The following TJP1 variants were observed in gnomAD, a reference collection of about 807,000 sequenced individuals.
TJP1 encodes the protein tight junction protein 1.
Under a neutral mutation model 194.2 loss-of-function variants are expected in TJP1, and 43 were observed. The observed-to-expected ratio is 0.22, with a 90% CI of 0.17 to 0.29. The LOEUF (loss-of-function observed/expected upper bound fraction) is 0.29. Ranked by LOEUF, TJP1 falls within the 10% of genes least tolerant of loss-of-function variation. TJP1 has a pLI of 1.00. For synonymous variants in TJP1, 801 were observed against 779.0 expected (o/e 1.03, Z -0.47); for missense variants, 1,971 against 2,185.7 (o/e 0.90, Z 1.96).
intron 2 of TJP1, among the ~76,000 whole-genome samples, chr15:29,879,563 A>C (rs2052849894): frequency 1.3e-5 from 2 of 152,174 alleles, no homozygotes; most frequent in African/African-American, 2.4e-5. Context: ...TTTTAAAGCT[A>C]AGTCTGGGTA....
chr15:29,757,307 A>G (rs1419955060), intron 8 of TJP1, among the ~76,000 whole-genome samples: 2 of 152,234 alleles, frequency 1.3e-5, no homozygotes, highest in African/African-American at 4.8e-5. Flanking sequence ...TTGCCAAGAC[A>G]GACTTCCTTT....
upstream of TJP1, among the ~76,000 whole-genome samples, chr15:29,826,484 C>T (rs1158299121): frequency 6.6e-6 from 1 of 152,200 alleles, no homozygotes; most frequent in African/African-American, 2.4e-5. Flanking sequence ...CAAAACATCT[C>T]ATCTCATAAT....
intron 2 of TJP1, among the ~76,000 whole-genome samples, chr15:29,776,478 G>A (rs2047019025): frequency 6.6e-6 from 1 of 152,080 alleles, no homozygotes; most frequent in South Asian, 2.1e-4. Flanking sequence ...AGCCTTTTTA[G>A]GTAATTACGA....
intron 8 of TJP1, chr15:29,760,042 T>C (rs2151514603): frequency 3.8e-6 from 2 of 531,688 alleles, no homozygotes; most frequent in South Asian, 5.6e-5. Context: ...GGAACCTCCA[T>C]ACTGTTTTCC....
chr15:29,816,898 G>T (rs1029993483), intron 1 of TJP1, among the ~76,000 whole-genome samples: 1 of 152,114 alleles, frequency 6.6e-6, no homozygotes, highest in Non-Finnish European at 1.5e-5. Flanking sequence ...ACATAGGCAT[G>T]GGCAAAGACT....
At chr15:29,801,442 T>C (rs1007064216) in intron 1 of TJP1, among the ~76,000 whole-genome samples, 2 of 150,156 alleles carry the variant, frequency 1.3e-5, no homozygotes, top group Admixed American at 6.7e-5. Flanking sequence ...AGCCTCTCAA[T>C]AGAGAGGAAA....
chr15:29,912,436 G>T lies in TJP1; in HGVS notation c.306+43796C>A, dbSNP rs566107977. 2.7e-3 allele frequency among the ~76,000 whole-genome samples: 409 copies of T among 152,290 alleles called. 1 individual carries two copies. The highest frequency in any genetic ancestry group is 4.0e-3 in the Non-Finnish European group (275 of 68,028). On this transcript the variant is annotated intron_variant, in intron 2 of 28. Coordinates refer to the TJP1 transcript ENST00000356107. Reference sequence around the variant, plus strand: ...TCAAAGAGGTAGCTTGGGGCCGGGCGTGGTGGCTCACGCCTGTAATCCCAG... The same window carrying T: ...TCAAAGAGGTAGCTTGGGGCCGGGCTTGGTGGCTCACGCCTGTAATCCCAG...
At chr15:29,757,715 TG>T (rs2045734735) in intron 8 of TJP1, among the ~76,000 whole-genome samples, 1 of 152,218 alleles carries the variant, frequency 6.6e-6, no homozygotes, top group African/African-American at 2.4e-5. Flanking sequence ...CTTCTGTAGT[TG>T]AAGTTACCTT....
At chr15:29,905,012 T>C (rs966557789) in intron 2 of TJP1, among the ~76,000 whole-genome samples, 1 of 152,202 alleles carries the variant, frequency 6.6e-6, no homozygotes, top group African/African-American at 2.4e-5. Flanking sequence ...AGCATGGCCC[T>C]GCTACACCTT....
chr15:29,719,033 G>C lies in TJP1; in HGVS notation c.3109C>G (p.Leu1037Val), dbSNP rs752729423. Residue 1037 changes from leucine to valine, a missense_variant, in exon 21 of 28, where the codon CTG becomes GTG. By Grantham distance (32) the Leu-to-Val change is conservative. Coordinates refer to ENST00000614355, the MANE Select transcript of TJP1 (RefSeq NM_001330239.4). ...PGHRPDKEPN[L>V]TYEPQLPYVE... ...TATGGGAGTTGGGGTTCATAGGTCA[G>C]ATTAGGCTCTTTGTCTGGCCTGTGC... 6.2e-7 allele frequency: 1 copy of C among 1,614,180 alleles called. No individual in the cohort carries two copies. Among genetic ancestry groups the C allele is most frequent in the South Asian group, 1.1e-5 (1 of 91,074 alleles).
At chr15:29,856,936 C>T (rs1446426792) in intron 2 of TJP1, among the ~76,000 whole-genome samples, 1 of 151,620 alleles carries the variant, frequency 6.6e-6, no homozygotes, top group African/African-American at 2.4e-5. Context: ...CTAAATAATA[C>T]AATATAACAA....
chr15:29,784,828 T>G (rs1341216399), intron 2 of TJP1, among the ~76,000 whole-genome samples: 1 of 152,184 alleles, frequency 6.6e-6, no homozygotes, highest in African/African-American at 2.4e-5. Flanking sequence ...ATTAAAGGGT[T>G]AAATGATGTA....
Position 29,767,732 on chromosome 15 carries a change from C to T in TJP1, c.313-1190G>A, listed in dbSNP as rs1436148421. 3.9e-5 allele frequency among the ~76,000 whole-genome samples: 6 copies of T among 152,218 alleles called. No homozygotes were observed. The East Asian group carries it at 1.2e-3, about 29-fold the overall frequency. On this transcript the variant is annotated intron_variant, in intron 4 of 27. Coordinates refer to ENST00000614355, the MANE Select transcript of TJP1 (RefSeq NM_001330239.4). Reference sequence around the variant, plus strand: ...CACTCAGCCTGCTTTAAGATCAGTGCCATTTTACTCCCCCTCCCCTCCTAA... The same window carrying T: ...CACTCAGCCTGCTTTAAGATCAGTGTCATTTTACTCCCCCTCCCCTCCTAA...
intron 2 of TJP1, among the ~76,000 whole-genome samples, chr15:29,780,720 T>C (rs1441942904): frequency 1.3e-5 from 2 of 151,734 alleles, no homozygotes; most frequent in Non-Finnish European, 1.5e-5. Context: ...ATACAAGACA[T>C]GAAAGAATTA....
intron 1 of TJP1, among the ~76,000 whole-genome samples, chr15:29,958,370 T>G (rs762138773): frequency 2.6e-5 from 4 of 152,030 alleles, no homozygotes; most frequent in Non-Finnish European, 4.4e-5. Context: ...TTACCCAATC[T>G]GAGGGTTAAT....
rs35912677 is a variant in TJP1 at position 29,726,263 on chromosome 15, T to TC, written c.2412+115dup. 1.7e-5 allele frequency: 15 copies of TC among 869,054 alleles called. No homozygotes were observed. The Admixed American group carries it at 2.2e-4, about 13-fold the overall frequency. The allele number at this position is 869,054 out of a possible 1,614,324, so 53.8% of individuals were successfully genotyped here. A position where few individuals can be genotyped will look rare whatever the true frequency, so the allele number is the denominator to read the frequency against. The stretch of plus-strand genomic sequence containing the variant: ...ATTATAAAAACCTAAAAGCTAACTT[T>TC]CCCCAAATTTCTCCAATATGTTGAT... On this transcript the variant is annotated intron_variant, in intron 18 of 27. Coordinates refer to ENST00000614355, the MANE Select transcript of TJP1 (RefSeq NM_001330239.4).
At chr15:29,941,803 G>A (rs2055089066) in intron 2 of TJP1, among the ~76,000 whole-genome samples, 1 of 152,150 alleles carries the variant, frequency 6.6e-6, no homozygotes, top group African/African-American at 2.4e-5. Context: ...AGGCAGACAA[G>A]ATGATGACAA....
At chr15:29,854,178 A>G (rs1001430544) in intron 2 of TJP1, among the ~76,000 whole-genome samples, 2 of 152,216 alleles carry the variant, frequency 1.3e-5, no homozygotes, top group Non-Finnish European at 2.9e-5. Context: ...TAAAAATACC[A>G]AAAAACATCT....
intron 1 of TJP1, among the ~76,000 whole-genome samples, chr15:29,957,950 C>T (rs140625864): frequency 6.6e-6 from 1 of 152,310 alleles, no homozygotes; most frequent in African/African-American, 2.4e-5. Context: ...TCAACTTCTC[C>T]ATGTCCTTCA....
Sources: allele counts gnomAD v4.1 joint callset (sites outside exome capture counted in the v4.1 genomes callset), GRCh38; gene constraint gnomAD v4.1.1; transcripts MANE v1.5; gene names NCBI Gene and HGNC (gene_info 2026-07-23, HGNC 2026-07-21).